The following BAZ1B variants were observed in gnomAD, a reference collection of about 807,000 sequenced individuals.
The protein encoded by BAZ1B is tyrosine-protein kinase BAZ1B.
A neutral mutation model predicts 153.8 loss-of-function variants in BAZ1B; 22 were observed. The ratio of observed to expected loss-of-function variants is 0.14; its 90% confidence interval spans 0.10 to 0.20. The LOEUF (loss-of-function observed/expected upper bound fraction) is 0.20. BAZ1B is among the 10% of genes least tolerant of loss of function. The probability of loss-of-function intolerance (pLI) is 1.00; values close to 1 mark genes in which losing one functional copy is unlikely to be tolerated. For missense variants in BAZ1B, 1,325 were observed against 1,799.3 expected, an observed-to-expected ratio of 0.74 and a Z score of 4.77; for synonymous variants, 676 against 633.4, an observed-to-expected ratio of 1.07 and a Z score of -1.01.
At chr7:73,452,381 A>C (rs1241913725) in intron 13 of BAZ1B, among the ~76,000 whole-genome samples, 2 of 152,092 alleles carry the variant, frequency 1.3e-5, no homozygotes, top group African/African-American at 4.8e-5. Context: ...ATTCAGAATC[A>C]CCCCATCTTA....
intron 6 of BAZ1B, among the ~76,000 whole-genome samples, chr7:73,484,882 T>C (rs1228731972): frequency 3.3e-5 from 5 of 152,160 alleles, no homozygotes; most frequent in African/African-American, 4.8e-5. Flanking sequence ...TGTCCCAGAT[T>C]AGAAGAGACC....
At position 73,450,446 on chromosome 7, in the gene BAZ1B, A is replaced by G. The variant is rs533055635; in HGVS notation, c.3580+401T>C. ...TCTAACCATGAAGTTCCTTTTGCAC[A>G]TATGAGACTGCATGCCACCCTCTGT... On this transcript the variant is annotated intron_variant, in intron 14 of 19. Transcript: ENST00000339594. This position sits in a 1 kb window ranked among gnomAD's most constrained non-coding sequence, Gnocchi z 4.1. 4.6e-5 allele frequency among the ~76,000 whole-genome samples: 7 copies of G among 152,240 alleles called. No homozygotes were observed. The highest frequency in any genetic ancestry group is 1.7e-4 in the African/African-American group (7 of 41,466).
intron 1 of BAZ1B, among the ~76,000 whole-genome samples, chr7:73,515,919 C>T (rs1307696687): frequency 9.2e-5 from 14 of 151,884 alleles, no homozygotes; most frequent in East Asian, 7.8e-4. Flanking sequence ...CAGAGGGGAA[C>T]GGATCACTTG....
At chr7:73,502,761 G>A (rs1247588808) in intron 3 of BAZ1B, among the ~76,000 whole-genome samples, 4 of 152,190 alleles carry the variant, frequency 2.6e-5, no homozygotes, top group African/African-American at 4.8e-5. Flanking sequence ...CTAGGCGACA[G>A]AGCCAGACCC....
intron 13 of BAZ1B, among the ~76,000 whole-genome samples, chr7:73,453,111 T>C (rs930291318): frequency 2.0e-5 from 3 of 152,198 alleles, no homozygotes; most frequent in Non-Finnish European, 2.9e-5. Context: ...CTAGTGCCAG[T>C]TGAAAAAACT....
intron 16 of BAZ1B, among the ~76,000 whole-genome samples, chr7:73,446,099 G>T (rs1397904790): frequency 4.6e-5 from 7 of 152,198 alleles, no homozygotes; most frequent in Admixed American, 1.3e-4. Context: ...GACAGGAGAA[G>T]ACGGGCAAGC....
chr7:73,502,403 T>C (rs1452524910), intron 3 of BAZ1B, among the ~76,000 whole-genome samples: 2 of 152,060 alleles, frequency 1.3e-5, no homozygotes, highest in Non-Finnish European at 2.9e-5. Context: ...TTATAAATAA[T>C]GAACACCTGT....
intron 6 of BAZ1B, among the ~76,000 whole-genome samples, chr7:73,486,801 A>C (rs535876494): frequency 6.6e-6 from 1 of 152,328 alleles, no homozygotes; most frequent in African/African-American, 2.4e-5. Flanking sequence ...AATCCTCAAC[A>C]GATTATTTTA....
At chr7:73,465,603 C>T (rs1215063662) in intron 10 of BAZ1B, 66 bp from the exon 11 acceptor site, 2 of 1,058,268 alleles carry the variant, frequency 1.9e-6, no homozygotes, top group East Asian at 2.4e-5. Flanking sequence ...AAACACTAAG[C>T]AAGGGATCTA....
intron 6 of BAZ1B, among the ~76,000 whole-genome samples, chr7:73,481,995 C>T (rs1350423627): frequency 6.6e-6 from 1 of 152,088 alleles, no homozygotes; most frequent in African/African-American, 2.4e-5. Context: ...GCCGAGATCC[C>T]GCCACTGCAC....
At chr7:73,455,229 T>G (rs1425291462) in intron 13 of BAZ1B, among the ~76,000 whole-genome samples, 1 of 151,778 alleles carries the variant, frequency 6.6e-6, no homozygotes, top group African/African-American at 2.4e-5. Context: ...ACCTCCAAAC[T>G]TACTAGCGAC....
chr7:73,481,822 G>A (rs1226063879), intron 6 of BAZ1B, among the ~76,000 whole-genome samples: 1 of 152,098 alleles, frequency 6.6e-6, no homozygotes, highest in Non-Finnish European at 1.5e-5. Context: ...CAGATCACGA[G>A]GTCAAGAGAT....
rs550072569 is a variant in BAZ1B at position 73,461,228 on chromosome 7, G to A, written c.3250-1510C>T. On this transcript the variant is annotated intron_variant, in intron 12 of 19. Coordinates refer to ENST00000339594, the MANE Select transcript of BAZ1B (RefSeq NM_032408.4). ...CAACCTCAAGTGATCTGCCCACCTT[G>A]GCCTCCTAAAGTGCTGGGATTACAG... Among the ~76,000 whole-genome samples the A allele has an allele frequency of 9.9e-4, 150 of 152,022 alleles. 1 individual carries two copies. The highest frequency in any genetic ancestry group is 1.8e-3 in the Non-Finnish European group (123 of 67,984).
intron 7 of BAZ1B, among the ~76,000 whole-genome samples, chr7:73,474,417 A>G (rs1294926188): frequency 1.3e-5 from 2 of 152,336 alleles, no homozygotes; most frequent in South Asian, 2.1e-4. Context: ...CAAAAGAATA[A>G]ATAGATAAAA....
intron 7 of BAZ1B, among the ~76,000 whole-genome samples, chr7:73,474,063 G>A (rs1268665945): frequency 4.6e-5 from 7 of 152,214 alleles, no homozygotes; most frequent in Non-Finnish European, 1.0e-4. Context: ...TCAAGACAGT[G>A]TGGCTTTTAC....
chr7:73,442,406 A>G lies in BAZ1B; in HGVS notation c.4242T>C (p.Asn1414=), dbSNP rs1787657209. ...TGCCACGGCAGTTGTAAACCTCAGC[A>G]TTGGTAAACACTTGCTTCATGTCAG... is the stretch of plus-strand genomic sequence containing the variant. ...FLTDMKQVFT[N]AEVYNCRGSH... The change falls in exon 19 of 20, where the codon AAT becomes AAC. Residue 1414 remains asparagine, a synonymous_variant. Transcript: ENST00000339594. 6.2e-7 allele frequency: 1 copy of G among 1,614,218 alleles called. No homozygotes were observed. The highest frequency in any genetic ancestry group is 1.1e-5 in the South Asian group (1 of 91,088).
intron 8 of BAZ1B, among the ~76,000 whole-genome samples, chr7:73,470,016 G>T (rs1401888872): frequency 6.6e-6 from 1 of 152,032 alleles, no homozygotes; most frequent in Non-Finnish European, 1.5e-5. Flanking sequence ...CCTAATTTGT[G>T]TAACTACTAA....
chr7:73,495,014 T>C (rs1172193869), intron 4 of BAZ1B, among the ~76,000 whole-genome samples: 1 of 152,210 alleles, frequency 6.6e-6, no homozygotes, highest in Non-Finnish European at 1.5e-5. Context: ...CCAGGCGTGG[T>C]GACTCACGCC....
intron 9 of BAZ1B, 36 bp downstream of exon 9, chr7:73,469,481 G>A: frequency 1.2e-6 from 2 of 1,610,674 alleles, no homozygotes; most frequent in Non-Finnish European, 1.7e-6. Context: ...CACTTGAGCA[G>A]GGTGAAATAA....
Sources: allele counts gnomAD v4.1 joint callset (sites outside exome capture counted in the v4.1 genomes callset), GRCh38; gene constraint gnomAD v4.1.1; non-coding constraint Gnocchi (gnomAD v3.1); transcripts MANE v1.5; gene names NCBI Gene and HGNC (gene_info 2026-07-23, HGNC 2026-07-21).